The following CCND3 variants were observed in gnomAD, a reference collection of about 807,000 sequenced individuals.
CCND3 encodes cyclin D3, also known as G1/S-specific cyclin-D3.
Under a neutral mutation model 28.7 loss-of-function variants are expected in CCND3, and 9 were observed. The observed-to-expected ratio is 0.31, with a 90% CI of 0.19 to 0.55. The LOEUF (loss-of-function observed/expected upper bound fraction) is 0.55. Ranked by LOEUF, CCND3 falls within the 20% of genes least tolerant of loss-of-function variation. The pLI is 0.93. For missense variants in CCND3, 315 were observed against 385.8 expected (o/e 0.82, Z 1.54); for synonymous variants, 164 against 163.9 (o/e 1.00, Z 0.00).
chr6:41,941,275 G>T lies in CCND3; in HGVS notation c.198+177C>A, dbSNP rs755255073. On this transcript the variant is annotated intron_variant, in intron 1 of 4. Coordinates refer to ENST00000372991, the MANE Select transcript of CCND3 (RefSeq NM_001760.5). The surrounding 1 kb of genome is among the most constrained non-coding windows in gnomAD (Gnocchi z 6.1). ...TCACTGTCGGGAGGAGCCGATTAGG[G>T]CTCGGGAAAGCAAGGGAGGCAGCTG... 119 of 1,440,084 alleles carry T rather than the reference G, an allele frequency of 8.3e-5. No individual in the cohort carries two copies. Among genetic ancestry groups the T allele is most frequent in the Non-Finnish European group, 1.0e-4 (111 of 1,100,518 alleles). The allele number at this position is 1,440,084 out of a possible 1,614,324, so 89.2% of individuals were successfully genotyped here. A position where few individuals can be genotyped will look rare whatever the true frequency, so the allele number is the denominator to read the frequency against.
chr6:42,030,895 C>T (rs746946227), intron 1 of CCND3, among the ~76,000 whole-genome samples: 4 of 150,366 alleles, frequency 2.7e-5, no homozygotes, highest in Non-Finnish European at 5.9e-5. Flanking sequence ...GCCCCTGGAG[C>T]GGGTGGGAAC....
In CCND3 at chr6:42,048,195, A is replaced by C; in HGVS notation, c.-46+306T>G. 4.4e-6 allele frequency: 1 copy of C among 226,180 alleles called. No individual in the cohort carries two copies. Among genetic ancestry groups the C allele is most frequent in the Non-Finnish European group, 8.9e-6 (1 of 112,970 alleles). 14.0% of individuals were successfully genotyped at this position (226,180 alleles called of 1,614,324 possible). A position where few individuals can be genotyped will look rare whatever the true frequency, so the allele number is the denominator to read the frequency against. On this transcript the variant is annotated intron_variant, in intron 1 of 4. Coordinates refer to the CCND3 transcript ENST00000372988. This position sits in a 1 kb window ranked among gnomAD's most constrained non-coding sequence, Gnocchi z 4.7. Reference sequence around the variant, plus strand: ...TGGTCTGCCCTCCTACTGGCCTTCCACCCCATCTTTGAGGCATGAGAAGAC... The same window carrying C: ...TGGTCTGCCCTCCTACTGGCCTTCCCCCCCATCTTTGAGGCATGAGAAGAC...
chr6:41,967,508 A>G (rs1761919530), intron 1 of CCND3, among the ~76,000 whole-genome samples: 3 of 152,036 alleles, frequency 2.0e-5, no homozygotes, highest in Admixed American at 2.0e-4. Context: ...TTCCTTCTCA[A>G]CTCTCTAGTC....
At chr6:41,967,768 C>A (rs1761928342) in intron 1 of CCND3, among the ~76,000 whole-genome samples, 1 of 152,156 alleles carries the variant, frequency 6.6e-6, no homozygotes, top group Non-Finnish European at 1.5e-5. Flanking sequence ...ACTTGCAGAA[C>A]CTGTTAACTA....
intron 1 of CCND3, among the ~76,000 whole-genome samples, chr6:41,990,669 T>A (rs1452996428): frequency 0.048 from 81 of 1,674 alleles, no homozygotes; most frequent in East Asian, 0.33. Flanking sequence ...GATTTTTTTT[T>A]TTTTTTTTTT....
At chr6:41,944,251 C>A (rs9462755), upstream of CCND3, among the ~76,000 whole-genome samples, 1 of 152,006 alleles carries the variant, frequency 6.6e-6, no homozygotes, top group South Asian at 2.1e-4. Context: ...GCAGGAGGAT[C>A]GCTTGAGCCC....
intron 1 of CCND3, among the ~76,000 whole-genome samples, chr6:41,980,922 C>T (rs1437424017): frequency 1.3e-5 from 2 of 152,154 alleles, no homozygotes; most frequent in African/African-American, 4.8e-5. Flanking sequence ...CAACTAACAT[C>T]ATACTCAATG....
At chr6:42,010,352 A>T (rs1209890821) in intron 1 of CCND3, among the ~76,000 whole-genome samples, 1 of 152,106 alleles carries the variant, frequency 6.6e-6, no homozygotes, top group African/African-American at 2.4e-5. Flanking sequence ...TGCAGCATGG[A>T]GGACAGAGTA....
At chr6:42,012,779 A>G (rs999882308) in intron 1 of CCND3, among the ~76,000 whole-genome samples, 2 of 152,174 alleles carry the variant, frequency 1.3e-5, no homozygotes, top group African/African-American at 4.8e-5. Context: ...CATGCATAGT[A>G]TGACCTGGAA....
At chr6:41,979,001 G>C (rs1342620266) in intron 1 of CCND3, among the ~76,000 whole-genome samples, 1 of 151,568 alleles carries the variant, frequency 6.6e-6, no homozygotes, top group East Asian at 1.9e-4. Context: ...GAGAAACCCT[G>C]TCTCTATTAA....
chr6:41,990,660 A>AT (rs67939325), intron 1 of CCND3, among the ~76,000 whole-genome samples: 54 of 121,276 alleles, frequency 4.5e-4, no homozygotes, highest in African/African-American at 1.5e-3. Context: ...TAACCAACTG[A>AT]TTTTTTTTTT....
intron 1 of CCND3, among the ~76,000 whole-genome samples, chr6:42,044,875 G>C (rs965262411): frequency 2.7e-5 from 4 of 150,924 alleles, no homozygotes; most frequent in Non-Finnish European, 5.9e-5. Flanking sequence ...TGCAACCTCC[G>C]CCTCCCGGGT....
At chr6:41,988,657 G>T (rs1372748077) in intron 1 of CCND3, among the ~76,000 whole-genome samples, 9 of 151,226 alleles carry the variant, frequency 6.0e-5, no homozygotes. Flanking sequence ...AATGCCAAAG[G>T]CATGATTTAT....
At chr6:42,016,460 C>T (rs1470441103) in intron 1 of CCND3, among the ~76,000 whole-genome samples, 1 of 152,146 alleles carries the variant, frequency 6.6e-6, no homozygotes, top group Non-Finnish European at 1.5e-5. Flanking sequence ...TCCTCTACAA[C>T]ATGGGATAAT....
At chr6:42,011,341 TC>T (rs1198713726) in intron 1 of CCND3, among the ~76,000 whole-genome samples, 1 of 152,006 alleles carries the variant, frequency 6.6e-6, no homozygotes, top group African/African-American at 2.4e-5. Flanking sequence ...CCCAGGCTGG[TC>T]TCAAACTCCT....
intron 1 of CCND3, among the ~76,000 whole-genome samples, chr6:42,030,928 T>G (rs1764024235): frequency 2.1e-5 from 3 of 143,260 alleles, no homozygotes; most frequent in African/African-American, 2.6e-5. Context: ...TGGATGGGGG[T>G]GGGGTGCAGG....
chr6:41,993,126 C>T (rs1762702290), intron 1 of CCND3, among the ~76,000 whole-genome samples: 1 of 152,070 alleles, frequency 6.6e-6, no homozygotes, highest in South Asian at 2.1e-4. Context: ...TGGTCTTGAA[C>T]TCCTGGCTCC....
In CCND3 at chr6:41,936,508, T is replaced by C; in HGVS notation, c.711+51A>G. 6.2e-7 allele frequency: 1 copy of C among 1,605,070 alleles called. No individual in the cohort carries two copies. Among genetic ancestry groups the C allele is most frequent in the Non-Finnish European group, 8.5e-7 (1 of 1,174,180 alleles). ...TTCCCTCTACTGGAGGCTCAGGGCA[T>C]AGCACTACTTTATGAATGGAGAGGC... On this transcript the variant is annotated intron_variant, in intron 4 of 4. Coordinates refer to ENST00000372991, the MANE Select transcript of CCND3 (RefSeq NM_001760.5). This position sits in a 1 kb window ranked among gnomAD's most constrained non-coding sequence, Gnocchi z 4.4.
At chr6:42,004,199 G>T (rs906016025) in intron 1 of CCND3, among the ~76,000 whole-genome samples, 1 of 150,868 alleles carries the variant, frequency 6.6e-6, no homozygotes, top group South Asian at 2.1e-4. Flanking sequence ...AGGTTCAAGC[G>T]CTTCTCATCC....
Sources: allele counts gnomAD v4.1 joint callset (sites outside exome capture counted in the v4.1 genomes callset), GRCh38; gene constraint gnomAD v4.1.1; non-coding constraint Gnocchi (gnomAD v3.1); transcripts MANE v1.5; gene names NCBI Gene and HGNC (gene_info 2026-07-23, HGNC 2026-07-21).